EYS: variants seen among roughly 807,000 people sequenced by gnomAD.
EYS encodes the protein EGF-like photoreceptor maintenance factor.
Under a neutral mutation model 282.1 loss-of-function variants are expected in EYS, and 250 were observed. The ratio of observed to expected loss-of-function variants is 0.89; its 90% confidence interval spans 0.80 to 0.98. EYS has a LOEUF of 0.98. EYS is among the 50% of genes least tolerant of loss of function. The pLI, the probability that EYS is intolerant of heterozygous loss-of-function variation, is 0.00. For missense variants in EYS, 4,016 were observed against 3,709.0 expected, an observed-to-expected ratio of 1.08 and a Z score of -2.15; for synonymous variants, 1,355 against 1,282.9, an observed-to-expected ratio of 1.06 and a Z score of -1.20.
In EYS at chr6:64,564,727, A is replaced by C. The variant is rs563926189; in HGVS notation, c.5644+25496T>G. ...CCGCATGTTCTCACTCATAAGTGGG[A>C]ATTGAAAAATGAGAACACATGGACA... On this transcript the variant is annotated intron_variant, in intron 26 of 42. Transcript: ENST00000503581. 1.5e-3 allele frequency among the ~76,000 whole-genome samples: 228 copies of C among 151,716 alleles called. 1 individual carries two copies. Among genetic ancestry groups the C allele is most frequent in the Non-Finnish European group, 2.7e-3 (184 of 67,906 alleles).
chr6:64,275,451 C>CTTTTT (rs367970233), intron 30 of EYS, among the ~76,000 whole-genome samples: 1 of 140,340 alleles, frequency 7.1e-6, no homozygotes. Flanking sequence ...TGTTCTATTT[C>CTTTTT]TTTTTTTTTT....
chr6:65,344,149 A>T lies in EYS; in HGVS notation c.1488T>A (p.Val496=). Residue 496 remains valine (V), a synonymous_variant, in exon 10 of 43, where the codon GTT becomes GTA. Coordinates refer to ENST00000503581, the MANE Select transcript of EYS (RefSeq NM_001142800.2). ...AGSEGEKCQG[V]IDAYFFLAAN... is the part of the protein sequence containing the mutation. The stretch of plus-strand genomic sequence containing the variant: ...CAGCCAGAAAGAAATAGGCATCAAT[A>T]ACCCCTTGGCACTTTTCGCCTTCAG... 6.2e-7 allele frequency: 1 copy of T among 1,610,414 alleles called. No individual in the cohort carries two copies. The highest frequency in any genetic ancestry group is 8.5e-7 in the Non-Finnish European group (1 of 1,177,646).
chr6:64,841,581 C>A (rs1239053183), intron 19 of EYS, among the ~76,000 whole-genome samples: 1 of 152,014 alleles, frequency 6.6e-6, no homozygotes, highest in Non-Finnish European at 1.5e-5. Context: ...ATCTAAATTT[C>A]CCAATCCGAA....
intron 22 of EYS, among the ~76,000 whole-genome samples, chr6:64,762,291 A>G (rs1773184211): frequency 6.6e-6 from 1 of 152,370 alleles, no homozygotes; most frequent in East Asian, 1.9e-4. Context: ...AACCTCACTT[A>G]ACAAGTTGCA....
chr6:65,577,949 T>G (rs1764733398), intron 2 of EYS, among the ~76,000 whole-genome samples: 1 of 151,718 alleles, frequency 6.6e-6, no homozygotes, highest in East Asian at 1.9e-4. Context: ...GAGAGGATGT[T>G]AAGAAAAGGG....
intron 5 of EYS, among the ~76,000 whole-genome samples, chr6:65,478,133 A>G (rs1045680395): frequency 6.6e-6 from 1 of 152,164 alleles, no homozygotes; most frequent in Non-Finnish European, 1.5e-5. Context: ...GAGTAAAGGA[A>G]GTGGATTTTT....
chr6:64,956,518 A>G (rs539807820), intron 14 of EYS, among the ~76,000 whole-genome samples: 110 of 152,298 alleles, frequency 7.2e-4, no homozygotes, highest in African/African-American at 2.6e-3. Flanking sequence ...TCTCCAGGAC[A>G]TTGGTCAAAT....
At chr6:64,663,964 G>GCGAGCCTCTC (rs1329998941) in intron 22 of EYS, among the ~76,000 whole-genome samples, 1 of 152,178 alleles carries the variant, frequency 6.6e-6, no homozygotes, top group African/African-American at 2.4e-5. Context: ...CAGAATAATG[G>GCGAGCCTCTC]CGAGCCTCTA....
chr6:65,139,526 C>A (rs1184263453), intron 12 of EYS, among the ~76,000 whole-genome samples: 1 of 152,016 alleles, frequency 6.6e-6, no homozygotes, highest in South Asian at 2.1e-4. Context: ...GTATACCAAA[C>A]CTCCACAGCA....
In EYS at chr6:64,982,788, A is replaced by C. The variant is rs929357533; in HGVS notation, c.2259+14794T>G. Among the ~76,000 whole-genome samples, 7 of 151,254 alleles carry C rather than the reference A, an allele frequency of 4.6e-5. No homozygotes were observed. The Admixed American group carries it at 4.6e-4, about 10-fold the overall frequency. On this transcript the variant is annotated intron_variant, in intron 14 of 42. Coordinates refer to ENST00000503581, the MANE Select transcript of EYS (RefSeq NM_001142800.2). ...GATTTTGTTTATAATTTAAACAAAA[A>C]CTGATTTTGTTGATTGTATTTATGC... is the stretch of plus-strand genomic sequence containing the variant.
chr6:65,574,359 G>T (rs1350462947), intron 2 of EYS, among the ~76,000 whole-genome samples: 2 of 152,078 alleles, frequency 1.3e-5, no homozygotes, highest in Non-Finnish European at 2.9e-5. Flanking sequence ...CAAAGAGAAG[G>T]TCCTGCAAGT....
chr6:63,961,115 A>T (rs112760758), intron 35 of EYS, among the ~76,000 whole-genome samples: 143 of 152,308 alleles, frequency 9.4e-4, no homozygotes, highest in African/African-American at 2.9e-3. Flanking sequence ...TATTGGTCAG[A>T]GTTCTAGAAG....
intron 28 of EYS, among the ~76,000 whole-genome samples, chr6:64,389,999 AG>A (rs1773055969): frequency 6.7e-6 from 1 of 149,442 alleles, no homozygotes; most frequent in African/African-American, 2.5e-5. Context: ...TCCGAGTCAA[AG>A]AAAGGGGTGA....
At chr6:64,975,782 T>A (rs936608892) in intron 14 of EYS, among the ~76,000 whole-genome samples, 4 of 151,872 alleles carry the variant, frequency 2.6e-5, no homozygotes, top group African/African-American at 7.2e-5. Flanking sequence ...GCAAACATTA[T>A]CATTTGGTAA....
At chr6:64,561,842 T>C (rs2149812124) in intron 26 of EYS, among the ~76,000 whole-genome samples, 1 of 150,416 alleles carries the variant, frequency 6.6e-6, no homozygotes, top group East Asian at 2.0e-4. Context: ...CCCAAAGCAA[T>C]TTACAGATTT....
At chr6:63,740,313 A>C (rs60949185) in intron 41 of EYS, among the ~76,000 whole-genome samples, 15,056 of 152,110 alleles carry the variant, frequency 0.099, 791 homozygotes, top group East Asian at 0.16. Context: ...TGGGAGTTTC[A>C]CTGCAGAAGC....
At chr6:65,276,862 A>G (rs1282575671) in intron 12 of EYS, among the ~76,000 whole-genome samples, 1 of 152,130 alleles carries the variant, frequency 6.6e-6, no homozygotes, top group Non-Finnish European at 1.5e-5. Context: ...TGACATGAGC[A>G]TTTCCTTCTT....
At chr6:63,774,957 C>G (rs1456224428) in intron 40 of EYS, among the ~76,000 whole-genome samples, 1 of 148,732 alleles carries the variant, frequency 6.7e-6, no homozygotes, top group Non-Finnish European at 1.5e-5. Context: ...AAGAACTAAA[C>G]CCATTTTTTG....
At chr6:63,751,333 A>T (rs1246485906) in intron 41 of EYS, among the ~76,000 whole-genome samples, 1 of 152,192 alleles carries the variant, frequency 6.6e-6, no homozygotes, top group Non-Finnish European at 1.5e-5. Flanking sequence ...TTTTGACTTT[A>T]GCCACAGCTC....
Sources: gnomAD v4.1 joint callset for allele counts (sites outside exome capture counted in the v4.1 genomes callset) on GRCh38, gnomAD v4.1.1 for gene constraint, MANE v1.5 for transcripts, NCBI Gene and HGNC (gene_info 2026-07-23, HGNC 2026-07-21) for gene names.